Variants in ERICH6B observed in about 807,000 individuals in gnomAD.
ERICH6B encodes glutamate rich 6B, also known as glutamate-rich protein 6B.
Under a neutral mutation model 80.0 loss-of-function variants are expected in ERICH6B, and 69 were observed. The ratio of observed to expected loss-of-function variants is 0.86; its 90% CI spans 0.71 to 1.05. ERICH6B has a LOEUF of 1.05. Among genes scored for constraint, ERICH6B ranks in the 50% least tolerant of loss-of-function variants. The pLI is 0.00. For missense variants in ERICH6B, 754 were observed against 796.1 expected, an observed-to-expected ratio of 0.95 and a Z score of 0.64; for synonymous variants, 283 against 291.9, an observed-to-expected ratio of 0.97 and a Z score of 0.31.
chr13:45,611,866 A>C (rs1302607464), intron 1 of ERICH6B, among the ~76,000 whole-genome samples: 1 of 152,222 alleles, frequency 6.6e-6, no homozygotes, highest in African/African-American at 2.4e-5. Context: ...CTTAGCATGA[A>C]TCGAATGGCA....
chr13:45,579,884 C>T, intron 7 of ERICH6B, 49 bp downstream of exon 7: 1 of 1,540,974 alleles, frequency 6.5e-7, no homozygotes, highest in Non-Finnish European at 8.8e-7. Context: ...CCACCCAGGG[C>T]ACTCTGAAGA....
intron 2 of ERICH6B, among the ~76,000 whole-genome samples, chr13:45,605,839 C>A (rs1949856563): frequency 6.6e-6 from 1 of 152,166 alleles, no homozygotes; most frequent in Admixed American, 6.5e-5. Context: ...GTGCCTAGAA[C>A]AGAAAAAGGT....
At chr13:45,548,664 G>A (rs1022527881) in intron 13 of ERICH6B, among the ~76,000 whole-genome samples, 1 of 152,132 alleles carries the variant, frequency 6.6e-6, no homozygotes, top group African/African-American at 2.4e-5. Context: ...AGGACTGAGA[G>A]GGGGAGCTCT....
chr13:45,611,246 A>G (rs971789619), intron 1 of ERICH6B, among the ~76,000 whole-genome samples: 1 of 152,216 alleles, frequency 6.6e-6, no homozygotes, highest in Non-Finnish European at 1.5e-5. Flanking sequence ...TTAACAATAA[A>G]TCCAGGAAGA....
chr13:45,606,545 ATATTTTTTTTTT>A (rs1352411234), intron 2 of ERICH6B, among the ~76,000 whole-genome samples: 3 of 12,776 alleles, frequency 2.3e-4, no homozygotes, highest in Non-Finnish European at 5.9e-4. Flanking sequence ...ATATATATAT[ATATTTTTTTTTT>A]TTTTTTTTTT....
At chr13:45,574,300 A>ACCCC (rs1875290553) in intron 8 of ERICH6B, among the ~76,000 whole-genome samples, 1 of 152,166 alleles carries the variant, frequency 6.6e-6, no homozygotes, top group Admixed American at 6.5e-5. Flanking sequence ...CCACTAGTCT[A>ACCCC]CCCCCATAGG....
chr13:45,549,724 T>A (rs1031336109), intron 13 of ERICH6B, among the ~76,000 whole-genome samples, 169 bp downstream of exon 13: 1 of 152,224 alleles, frequency 6.6e-6, no homozygotes, highest in African/African-American at 2.4e-5. Context: ...ACATCGTGCC[T>A]CCTCTGTGGT....
chr13:45,556,433 A>G (rs1874440799), intron 11 of ERICH6B, among the ~76,000 whole-genome samples: 1 of 152,102 alleles, frequency 6.6e-6, no homozygotes. Context: ...TTTGGGGAAC[A>G]GGTGGTATTT....
chr13:45,594,277 T>G (rs1305648800), intron 3 of ERICH6B, among the ~76,000 whole-genome samples: 2 of 152,228 alleles, frequency 1.3e-5, no homozygotes, highest in East Asian at 3.9e-4. Context: ...ATCTCCCTAG[T>G]GTTTTTTCAG....
At chr13:45,579,869 C>A in intron 7 of ERICH6B, 64 bp downstream of exon 7, 1 of 1,512,002 alleles carries the variant, frequency 6.6e-7, no homozygotes, top group Non-Finnish European at 9.0e-7. Context: ...CTAGGGGCAC[C>A]TTCCCCACCC....
intron 9 of ERICH6B, among the ~76,000 whole-genome samples, chr13:45,565,379 A>G (rs1484488500): frequency 6.6e-6 from 1 of 152,080 alleles, no homozygotes; most frequent in Non-Finnish European, 1.5e-5. Flanking sequence ...ACAAACTCAT[A>G]CCTGGCTCTC....
At chr13:45,604,095 C>A (rs1373508795) in intron 2 of ERICH6B, among the ~76,000 whole-genome samples, 1 of 152,202 alleles carries the variant, frequency 6.6e-6, no homozygotes, top group Non-Finnish European at 1.5e-5. Context: ...CGAGCCCAGG[C>A]CCAGACACAT....
intron 1 of ERICH6B, among the ~76,000 whole-genome samples, chr13:45,609,225 T>C (rs1949885898): frequency 6.6e-6 from 1 of 152,180 alleles, no homozygotes; most frequent in African/African-American, 2.4e-5. Context: ...TTGAAAGCCC[T>C]CCTGGGCCGA....
chr13:45,564,218 A>G (rs1874818541), intron 9 of ERICH6B, among the ~76,000 whole-genome samples: 1 of 152,206 alleles, frequency 6.6e-6, no homozygotes, highest in South Asian at 2.1e-4. Context: ...GGACAATTTC[A>G]AATAGCCTTA....
intron 4 of ERICH6B, among the ~76,000 whole-genome samples, chr13:45,590,209 C>T (rs1274622061): frequency 6.6e-6 from 1 of 151,332 alleles, no homozygotes; most frequent in Non-Finnish European, 1.5e-5. Flanking sequence ...CTAGTGTGTG[C>T]CAAGTCCTGT....
chr13:45,612,948 G>A (rs1949908178), intron 1 of ERICH6B, among the ~76,000 whole-genome samples: 4 of 152,162 alleles, frequency 2.6e-5, no homozygotes, highest in Admixed American at 2.6e-4. Flanking sequence ...GTCACGTAGA[G>A]GCCATCCTCA....
At chr13:45,553,357 G>A (rs755371726) in intron 11 of ERICH6B, among the ~76,000 whole-genome samples, 3 of 151,982 alleles carry the variant, frequency 2.0e-5, no homozygotes, top group Admixed American at 6.6e-5. Flanking sequence ...TGTGGTCACT[G>A]GATGGGCTCA....
At chr13:45,578,857 TCC>T (rs948159435) in intron 7 of ERICH6B, among the ~76,000 whole-genome samples, 1 of 152,146 alleles carries the variant, frequency 6.6e-6, no homozygotes, top group African/African-American at 2.4e-5. Context: ...GTTGAGACAA[TCC>T]TGGTCAACAG....
intron 5 of ERICH6B, among the ~76,000 whole-genome samples, chr13:45,585,970 T>C (rs1335669582): frequency 6.6e-6 from 1 of 152,086 alleles, no homozygotes; most frequent in Non-Finnish European, 1.5e-5. Flanking sequence ...CTCTCCCACA[T>C]CCTCTCAAGC....
Sources: allele counts gnomAD v4.1 joint callset (sites outside exome capture counted in the v4.1 genomes callset), GRCh38; gene constraint gnomAD v4.1.1; transcripts MANE v1.5; gene names NCBI Gene and HGNC (gene_info 2026-07-23, HGNC 2026-07-21).